OTOGL: variants seen among roughly 807,000 people sequenced by gnomAD.
The protein encoded by OTOGL is otogelin-like protein.
In OTOGL, 285 loss-of-function variants were observed where a neutral mutation model predicts 318.5. The observed-to-expected ratio is 0.89, with a 90% CI of 0.81 to 0.99. The LOEUF (loss-of-function observed/expected upper bound fraction) is 0.99. OTOGL is among the 50% of genes least tolerant of loss of function. The pLI, the probability that OTOGL is intolerant of heterozygous loss-of-function variation, is 0.00. For synonymous variants in OTOGL, 987 were observed against 936.5 expected, an observed-to-expected ratio of 1.05 and a Z score of -0.99; for missense variants, 2,899 against 2,845.6, an observed-to-expected ratio of 1.02 and a Z score of -0.43.
intron 50 of OTOGL, 116 bp downstream of exon 50, chr12:80,358,465 C>G: frequency 1.1e-6 from 1 of 890,148 alleles, no homozygotes; most frequent in Non-Finnish European, 1.7e-6. Context: ...ATTTGATGAG[C>G]TATCCTAGCA....
At chr12:80,262,601 T>C (rs1882635963) in intron 19 of OTOGL, among the ~76,000 whole-genome samples, 1 of 152,102 alleles carries the variant, frequency 6.6e-6, no homozygotes, top group African/African-American at 2.4e-5. Context: ...CAATTTGAGA[T>C]GGTCATGCTC....
At chr12:80,153,883 G>C (rs985434961) in intron 1 of OTOGL, among the ~76,000 whole-genome samples, 2 of 152,128 alleles carry the variant, frequency 1.3e-5, no homozygotes, top group African/African-American at 2.4e-5. Flanking sequence ...TTCATGTCTT[G>C]ATAGATCATT....
At chr12:80,292,992 A>G (rs1885147968) in intron 26 of OTOGL, among the ~76,000 whole-genome samples, 1 of 152,344 alleles carries the variant, frequency 6.6e-6, no homozygotes, top group South Asian at 2.1e-4. Flanking sequence ...AAGGTTATCA[A>G]ATATCAAAGG....
At chr12:80,196,337 T>G (rs1164137586) in intron 1 of OTOGL, among the ~76,000 whole-genome samples, 1 of 152,240 alleles carries the variant, frequency 6.6e-6, no homozygotes, top group Non-Finnish European at 1.5e-5. Flanking sequence ...CATCTATCAT[T>G]GTTGATGTGA....
chr12:80,229,530 G>T (rs1222280924), intron 8 of OTOGL, among the ~76,000 whole-genome samples, 152 bp downstream of exon 8: 1 of 152,220 alleles, frequency 6.6e-6, no homozygotes, highest in Non-Finnish European at 1.5e-5. Context: ...CAAAACTTCG[G>T]TAGGCTCTGA....
intron 20 of OTOGL, 78 bp from the exon 21 acceptor site, chr12:80,266,373 T>TC: frequency 6.9e-7 from 1 of 1,449,350 alleles, no homozygotes; most frequent in East Asian, 2.4e-5. Flanking sequence ...TCATTTTCTA[T>TC]CATAGACCTC....
At chr12:80,297,892 T>C (rs1885516547) in intron 27 of OTOGL, among the ~76,000 whole-genome samples, 1 of 152,148 alleles carries the variant, frequency 6.6e-6, no homozygotes, top group African/African-American at 2.4e-5. Flanking sequence ...TTATCATACT[T>C]CCTCCAGGGA....
intron 1 of OTOGL, among the ~76,000 whole-genome samples, chr12:80,108,438 G>A (rs1050160346): frequency 2.0e-5 from 3 of 151,852 alleles, no homozygotes; most frequent in Non-Finnish European, 2.9e-5. Flanking sequence ...CATATCAAGA[G>A]GCATTTGTCC....
chr12:80,351,222 G>A (rs1360751740), intron 44 of OTOGL, among the ~76,000 whole-genome samples: 1 of 151,248 alleles, frequency 6.6e-6, no homozygotes, highest in Non-Finnish European at 1.5e-5. Flanking sequence ...GGCTGTAAAT[G>A]TGTGGATTTA....
chr12:80,265,504 AT>A (rs1415629121), intron 20 of OTOGL: 1 of 392,106 alleles, frequency 2.6e-6, no homozygotes, highest in African/African-American at 2.0e-5. Flanking sequence ...TATCGTGGAA[AT>A]ATCATATCTA....
intron 1 of OTOGL, among the ~76,000 whole-genome samples, chr12:80,108,823 A>AT (rs1209133355): frequency 1.5e-5 from 2 of 134,150 alleles, no homozygotes; most frequent in Non-Finnish European, 3.1e-5. Flanking sequence ...GTGTATATAT[A>AT]TGTATATATA....
Position 80,257,954 on chromosome 12 carries a change from C to T in OTOGL, c.1841C>T (p.Thr614Ile). The T allele has an allele frequency of 6.3e-7, 1 of 1,597,402 alleles. No homozygotes were observed. Among genetic ancestry groups the T allele is most frequent in the Non-Finnish European group, 8.5e-7 (1 of 1,178,974 alleles). Residue 614 changes from threonine to isoleucine, a missense_variant, in exon 18 of 59, where the codon ACA becomes ATA. This residue lies in a region of OTOGL where 2,607 missense variants were observed against 2,524.9 expected (regional missense o/e 1.03). Transcript: ENST00000547103. ...CTTACTAGCGCATGGAAAAGAAGAACATTAGGTCTGTGTGGCACTTTTAAT... is the reference window on the plus strand; with the variant it reads ...CTTACTAGCGCATGGAAAAGAAGAATATTAGGTCTGTGTGGCACTTTTAAT... Reference protein sequence around the residue: ...IQLTSAWKRRTLGLCGTFNGN... With the variant: ...IQLTSAWKRRILGLCGTFNGN...
chr12:80,254,987 C>T (rs2137515566), intron 15 of OTOGL, 53 bp from the exon 16 acceptor site: 3 of 1,352,032 alleles, frequency 2.2e-6, no homozygotes, highest in East Asian at 5.4e-5. Flanking sequence ...TCTCTCTCCT[C>T]CTCTATCTCC....
chr12:80,320,874 A>G (rs1028962445), intron 34 of OTOGL, among the ~76,000 whole-genome samples, 174 bp downstream of exon 34: 22 of 152,302 alleles, frequency 1.4e-4, no homozygotes, highest in Admixed American at 3.9e-4. Context: ...TACGTATTGG[A>G]GAAATAATAA....
At chr12:80,328,177 G>A (rs988063182) in intron 35 of OTOGL, among the ~76,000 whole-genome samples, 2 of 151,818 alleles carry the variant, frequency 1.3e-5, no homozygotes, top group African/African-American at 4.8e-5. Flanking sequence ...AAATTAGCCA[G>A]GCATGATGAC....
chr12:80,133,302 A>G (rs1871349001), intron 1 of OTOGL, among the ~76,000 whole-genome samples: 2 of 152,254 alleles, frequency 1.3e-5, no homozygotes, highest in South Asian at 2.1e-4. Context: ...AGTGTCTTCT[A>G]AATAAATGAA....
At chr12:80,243,653 T>C (rs1317579111) in intron 11 of OTOGL, among the ~76,000 whole-genome samples, 1 of 151,560 alleles carries the variant, frequency 6.6e-6, no homozygotes, top group African/African-American at 2.4e-5. Flanking sequence ...GAGAAAATAA[T>C]TGATATAATC....
intron 31 of OTOGL, 43 bp downstream of exon 31, chr12:80,313,675 A>G (rs566594887): frequency 1.4e-6 from 2 of 1,477,816 alleles, no homozygotes; most frequent in Admixed American, 4.0e-5. Flanking sequence ...AGAACTGATA[A>G]AGAGATACAT....
chr12:80,277,619 TTAAA>T (rs1412686133), intron 24 of OTOGL, among the ~76,000 whole-genome samples: 3 of 151,366 alleles, frequency 2.0e-5, no homozygotes, highest in Non-Finnish European at 3.0e-5. Context: ...AGTTATCACA[TTAAA>T]TAAATAAGAA....
Sources: gnomAD v4.1 joint callset for allele counts (sites outside exome capture counted in the v4.1 genomes callset) on GRCh38, gnomAD v4.1.1 for gene constraint, gnomAD v4.1.1 regional missense constraint, MANE v1.5 for transcripts, NCBI Gene and HGNC (gene_info 2026-07-23, HGNC 2026-07-21) for gene names.